IL21R: variants seen among roughly 807,000 people sequenced by gnomAD.
IL21R encodes the protein interleukin-21 receptor.
A neutral mutation model predicts 41.3 loss-of-function variants in IL21R; 14 were observed. That is an observed-to-expected ratio of 0.34 (90% CI 0.22 to 0.53). The LOEUF is 0.53. Among genes scored for constraint, IL21R ranks in the 20% least tolerant of loss-of-function variants. The pLI, the probability that IL21R is intolerant of heterozygous loss-of-function variation, is 0.94. For missense variants in IL21R, 588 were observed against 681.6 expected (o/e 0.86, Z 1.53); for synonymous variants, 286 against 287.6 (o/e 0.99, Z 0.05).
At position 27,430,095 on chromosome 16, in the gene IL21R, C is replaced by A; in HGVS notation, c.24C>A (p.Pro8=). 1 of 1,605,362 alleles carries A rather than the reference C, an allele frequency of 6.2e-7. No homozygotes were observed. The highest frequency in any genetic ancestry group is 8.5e-7 in the Non-Finnish European group (1 of 1,179,802). The change falls in exon 2 of 9, where the codon CCC becomes CCA. Residue 8 remains proline (P), a synonymous_variant. Transcript: ENST00000337929. The part of the protein sequence containing the change: MPRGWAA[P]LLLLLLQGGW... ...GCATGCCGCGTGGCTGGGCCGCCCCCTTGCTCCTGCTGCTGCTCCAGGGAG... is the reference window on the plus strand; with the variant it reads ...GCATGCCGCGTGGCTGGGCCGCCCCATTGCTCCTGCTGCTGCTCCAGGGAG...
At chr16:27,434,822 T>C (rs2087239393) in intron 3 of IL21R, among the ~76,000 whole-genome samples, 1 of 152,170 alleles carries the variant, frequency 6.6e-6, no homozygotes, top group Non-Finnish European at 1.5e-5. Flanking sequence ...GTTAAGCAAC[T>C]TGCCTAAGGT....
In IL21R at chr16:27,441,046, C is replaced by CAA. The variant is rs35321284; in HGVS notation, c.353-1897_353-1896dup. Among the ~76,000 whole-genome samples the CAA allele has an allele frequency of 1.5e-3, 101 of 68,158 alleles. 1 individual carries two copies. The highest frequency in any genetic ancestry group is 2.9e-3 in the African/African-American group (57 of 19,344). The allele number at this position is 68,158 out of a possible 152,430, so 44.7% of individuals were successfully genotyped here. On this transcript the variant is annotated intron_variant, in intron 4 of 8. Transcript: ENST00000337929. Reference sequence around the variant, plus strand: ...AGCCTGGGTGACAGAGATTCTGTCTCAAAAAAAAAAAAAAAAAAAAGAAAG... The same window carrying CAA: ...AGCCTGGGTGACAGAGATTCTGTCTCAAAAAAAAAAAAAAAAAAAAAAGAAAG...
At position 27,437,659 on chromosome 16, in the gene IL21R, G is replaced by C; in HGVS notation, c.324G>C (p.Glu108Asp). The C allele has an allele frequency of 6.2e-7, 1 of 1,614,166 alleles. No individual in the cohort carries two copies. Among genetic ancestry groups the C allele is most frequent in the Non-Finnish European group, 8.5e-7 (1 of 1,180,014 alleles). Residue 108 changes from glutamate to aspartate, a missense_variant, in exon 4 of 9, where the codon GAG becomes GAC. Coordinates refer to ENST00000337929, the MANE Select transcript of IL21R (RefSeq NM_181078.3). ...ACCAGTCTGGCAACTACTCCCAGGA[G>C]TGTGGCAGCTTTCTCCTGGCTGAGA... Reference protein sequence around the residue: ...ITDQSGNYSQECGSFLLAESI... With the variant: ...ITDQSGNYSQDCGSFLLAESI...
intron 4 of IL21R, among the ~76,000 whole-genome samples, chr16:27,439,908 A>G (rs534422231): frequency 6.6e-6 from 1 of 152,146 alleles, no homozygotes; most frequent in South Asian, 2.1e-4. Flanking sequence ...ACATCTCCCG[A>G]GTACCCACGG....
At chr16:27,404,614 TCACAGGCAGG>T (rs2086709419) in intron 1 of IL21R, among the ~76,000 whole-genome samples, 2 of 152,160 alleles carry the variant, frequency 1.3e-5, no homozygotes, top group Non-Finnish European at 2.9e-5. Flanking sequence ...TTCAGCATCC[TCACAGGCAGG>T]CACAGGGGCC....
intron 4 of IL21R, among the ~76,000 whole-genome samples, 197 bp downstream of exon 4, chr16:27,437,884 G>A (rs927370436): frequency 2.0e-5 from 3 of 152,148 alleles, no homozygotes; most frequent in Admixed American, 1.3e-4. Flanking sequence ...GGCCAGTCTC[G>A]AACTCCTGGG....
chr16:27,441,089 G>C (rs1166059478), intron 4 of IL21R, among the ~76,000 whole-genome samples: 1 of 148,166 alleles, frequency 6.7e-6, no homozygotes, highest in South Asian at 2.2e-4. Flanking sequence ...AAAAGAAAGG[G>C]AGGGAGGGAG....
intron 3 of IL21R, 74 bp from the exon 4 acceptor site, chr16:27,437,413 GC>G: frequency 8.2e-7 from 1 of 1,220,624 alleles, no homozygotes; most frequent in South Asian, 1.2e-5. Context: ...TTCTGCCCTG[GC>G]CCTGAGCACT....
At chr16:27,407,442 A>C (rs568177281) in intron 1 of IL21R, among the ~76,000 whole-genome samples, 2 of 152,332 alleles carry the variant, frequency 1.3e-5, no homozygotes, top group Middle Eastern at 3.4e-3. Context: ...GAGGATGAGA[A>C]AGGAAAGAAG....
chr16:27,403,504 G>A (rs997970977), intron 1 of IL21R, among the ~76,000 whole-genome samples: 6 of 152,134 alleles, frequency 3.9e-5, no homozygotes, highest in African/African-American at 4.8e-5. Flanking sequence ...GGGAAAACCT[G>A]CCAGGTCAAA....
intron 1 of IL21R, among the ~76,000 whole-genome samples, chr16:27,408,350 A>G (rs896559193): frequency 8.5e-5 from 13 of 152,234 alleles, no homozygotes; most frequent in African/African-American, 3.1e-4. Flanking sequence ...TGAATGGAGC[A>G]TGTTGGTGAG....
intron 5 of IL21R, 38 bp downstream of exon 5, chr16:27,443,154 G>A (rs1787554392): frequency 2.6e-6 from 4 of 1,549,270 alleles, no homozygotes; most frequent in Non-Finnish European, 3.5e-6. Context: ...TTGTGGGAGG[G>A]GAGGGGAGAT....
At chr16:27,443,595 C>A (rs1159893616) in intron 5 of IL21R, among the ~76,000 whole-genome samples, 6 of 152,116 alleles carry the variant, frequency 3.9e-5, no homozygotes, top group Non-Finnish European at 8.8e-5. Flanking sequence ...CCAGCCAGGG[C>A]AACATGGTGA....
chr16:27,416,231 G>A (rs2141265939), intron 1 of IL21R, among the ~76,000 whole-genome samples: 1 of 152,232 alleles, frequency 6.6e-6, no homozygotes, highest in Admixed American at 6.5e-5. Flanking sequence ...CCACCTTCCG[G>A]ATTCAAGCGA....
At chr16:27,436,786 T>G (rs376121600) in intron 3 of IL21R, among the ~76,000 whole-genome samples, 2 of 151,990 alleles carry the variant, frequency 1.3e-5, no homozygotes, top group Non-Finnish European at 2.9e-5. Context: ...TTCAGTGGAT[T>G]TGGGGACTGG....
intron 1 of IL21R, among the ~76,000 whole-genome samples, chr16:27,403,392 A>C (rs750263788): frequency 6.6e-6 from 1 of 152,170 alleles, no homozygotes; most frequent in Non-Finnish European, 1.5e-5. Flanking sequence ...TGAAGGCAGA[A>C]GACCAGGTGC....
intron 1 of IL21R, among the ~76,000 whole-genome samples, chr16:27,410,872 A>C (rs1379226506): frequency 6.6e-6 from 1 of 152,194 alleles, no homozygotes; most frequent in African/African-American, 2.4e-5. Context: ...TTCTGTTTCT[A>C]TGAGATTGAT....
chr16:27,412,293 T>C (rs2086833990), intron 1 of IL21R, among the ~76,000 whole-genome samples: 1 of 152,222 alleles, frequency 6.6e-6, no homozygotes, highest in East Asian at 1.9e-4. Flanking sequence ...CATTGGTCTG[T>C]ATATCTATCT....
In IL21R at chr16:27,432,442, G is replaced by T. The variant is rs146840848; in HGVS notation, c.50-1905G>T. On this transcript the variant is annotated intron_variant, in intron 2 of 8. Coordinates refer to ENST00000337929, the MANE Select transcript of IL21R (RefSeq NM_181078.3). ...TGGGGCTCTCTGCCCTGTGGCTGGGGTACTGACAGGGCATTTTCCCACCCT... is the reference window on the plus strand; with the variant it reads ...TGGGGCTCTCTGCCCTGTGGCTGGGTTACTGACAGGGCATTTTCCCACCCT... Among the ~76,000 whole-genome samples the T allele has an allele frequency of 3.9e-5, 6 of 152,268 alleles. No homozygotes were observed. In the East Asian group the frequency reaches 1.2e-3, roughly 29 times the overall value.
Sources: allele counts gnomAD v4.1 joint callset (sites outside exome capture counted in the v4.1 genomes callset), GRCh38; gene constraint gnomAD v4.1.1; transcripts MANE v1.5; gene names NCBI Gene and HGNC (gene_info 2026-07-23, HGNC 2026-07-21).